QTMAN: variants seen among roughly 807,000 people sequenced by gnomAD.
The protein encoded by QTMAN is queuosine-tRNA mannosyltransferase, also known as tRNA-queuosine alpha-mannosyltransferase.
chr2:144,271,977 T>G, the QTMAN span, among the ~76,000 whole-genome samples: 2 of 152,206 alleles, frequency 1.3e-5, no homozygotes, highest in Non-Finnish European at 2.9e-5. Context: ...ACCACTTTGC[T>G]GACATGTGTA....
the QTMAN span, among the ~76,000 whole-genome samples, chr2:144,183,271 A>G: frequency 6.6e-6 from 1 of 152,078 alleles, no homozygotes; most frequent in Non-Finnish European, 1.5e-5. Flanking sequence ...TGGATCTTTC[A>G]ACATTTGTTT....
chr2:144,317,384 T>TGGAAGGAAGGAAGGAAGGAAGGAAGGAA, the QTMAN span: 50 of 97,370 alleles, frequency 5.1e-4, no homozygotes, highest in African/African-American at 9.1e-4. Flanking sequence ...GAAGGAAGGA[T>TGGAAGGAAGGAAGGAAGGAAGGAAGGAA]GGAAGGAAGG....
chr2:144,290,318 C>T, the QTMAN span, among the ~76,000 whole-genome samples: 4 of 152,218 alleles, frequency 2.6e-5, no homozygotes, highest in South Asian at 8.3e-4. Flanking sequence ...CATAATATCC[C>T]AATGTTCTAC....
chr2:144,113,152 G>C, the QTMAN span, among the ~76,000 whole-genome samples: 1 of 151,930 alleles, frequency 6.6e-6, no homozygotes, highest in East Asian at 1.9e-4. Flanking sequence ...ACCTAGATGA[G>C]AGAATCACAA....
chr2:144,014,825 T>C, the QTMAN span, among the ~76,000 whole-genome samples: 2 of 152,220 alleles, frequency 1.3e-5, no homozygotes, highest in Non-Finnish European at 2.9e-5. Flanking sequence ...TTCTTTTATA[T>C]TTTTATTTCC....
chr2:144,096,095 T>C, the QTMAN span, among the ~76,000 whole-genome samples: 3 of 152,244 alleles, frequency 2.0e-5, no homozygotes, highest in Non-Finnish European at 2.9e-5. Context: ...TTATTATAGA[T>C]GTTTGTAAAA....
At chr2:143,949,260 A>G in the QTMAN span, among the ~76,000 whole-genome samples, 2 of 151,974 alleles carry the variant, frequency 1.3e-5, no homozygotes, top group Non-Finnish European at 2.9e-5. Flanking sequence ...GAGTCACTTT[A>G]AGAAAAAAAG....
At chr2:144,304,606 T>C in the QTMAN span, among the ~76,000 whole-genome samples, 5 of 152,190 alleles carry the variant, frequency 3.3e-5, no homozygotes, top group African/African-American at 4.8e-5. Flanking sequence ...TACTTGACAA[T>C]GTATTTAATA....
the QTMAN span, among the ~76,000 whole-genome samples, chr2:144,264,037 G>A: frequency 1.3e-5 from 2 of 151,934 alleles, no homozygotes; most frequent in Admixed American, 1.3e-4. Flanking sequence ...AAACAAATGA[G>A]GGATAAAAGA....
chr2:144,102,649 A>G, the QTMAN span, among the ~76,000 whole-genome samples: 2 of 152,156 alleles, frequency 1.3e-5, no homozygotes, highest in Non-Finnish European at 2.9e-5. Context: ...CATTTTAAGG[A>G]CTGTACAAAT....
At chr2:144,303,356 T>A in the QTMAN span, among the ~76,000 whole-genome samples, 1 of 152,192 alleles carries the variant, frequency 6.6e-6, no homozygotes, top group Non-Finnish European at 1.5e-5. Flanking sequence ...TAAAACCTCC[T>A]TTTGTGAATA....
the QTMAN span, among the ~76,000 whole-genome samples, chr2:144,271,615 A>C: frequency 6.6e-6 from 1 of 152,156 alleles, no homozygotes; most frequent in Non-Finnish European, 1.5e-5. Context: ...CATGTAACCT[A>C]AGGCTGAAGG....
chr2:144,237,973 A>G, the QTMAN span, among the ~76,000 whole-genome samples: 1 of 152,162 alleles, frequency 6.6e-6, no homozygotes, highest in Non-Finnish European at 1.5e-5. Flanking sequence ...TGAGAGAGCC[A>G]TTTTCTAAGC....
chr2:144,183,006 C>T, the QTMAN span, among the ~76,000 whole-genome samples: 1 of 144,390 alleles, frequency 6.9e-6, no homozygotes. Flanking sequence ...TAAAAGATTT[C>T]TATAGAAGGT....
At chr2:144,058,120 C>G in the QTMAN span, among the ~76,000 whole-genome samples, 1 of 131,054 alleles carries the variant, frequency 7.6e-6, no homozygotes, top group African/African-American at 3.4e-5. Context: ...AACCCCCCTC[C>G]CCCACCCCGC....
chr2:143,988,286 TG>T, the QTMAN span, among the ~76,000 whole-genome samples: 1 of 152,180 alleles, frequency 6.6e-6, no homozygotes, highest in African/African-American at 2.4e-5. Flanking sequence ...CAGTGCACAC[TG>T]GCATGAATCA....
the QTMAN span, among the ~76,000 whole-genome samples, chr2:144,260,732 CATGTT>C: frequency 6.6e-6 from 1 of 151,598 alleles, no homozygotes; most frequent in Admixed American, 6.6e-5. Flanking sequence ...ATACATGAAA[CATGTT>C]ATGTTCTAAA....
chr2:144,206,905 T>A, the QTMAN span, among the ~76,000 whole-genome samples: 4 of 152,210 alleles, frequency 2.6e-5, no homozygotes, highest in African/African-American at 9.6e-5. Flanking sequence ...TGTAGAAATT[T>A]ATTATACTGA....
chr2:144,054,966 G>C, the QTMAN span, among the ~76,000 whole-genome samples: 1 of 151,944 alleles, frequency 6.6e-6, no homozygotes, highest in South Asian at 2.1e-4. Context: ...GACTCTGGGG[G>C]CTGTTGTTTA....
Sources: allele counts gnomAD v4.1 joint callset (sites outside exome capture counted in the v4.1 genomes callset), GRCh38; gene constraint gnomAD v4.1.1; transcripts MANE v1.5; gene names NCBI Gene and HGNC (gene_info 2026-07-23, HGNC 2026-07-21).